Variants in XKRX observed in about 807,000 individuals in gnomAD.
XKRX encodes the protein XK related X-linked.
Under a neutral mutation model 22.4 loss-of-function variants are expected in XKRX, and 11 were observed. The observed-to-expected ratio is 0.49, with a 90% confidence interval of 0.31 to 0.81. The LOEUF is 0.81. Among genes scored for constraint, XKRX ranks in the 40% least tolerant of loss-of-function variants. The pLI is 0.05. For missense variants in XKRX, 320 were observed against 336.5 expected (o/e 0.95, Z 0.38); for synonymous variants, 114 against 132.2 (o/e 0.86, Z 0.94).
At chrX:100,949,446 A>G in the XKRX span, among the ~76,000 whole-genome samples, 5 of 107,436 alleles carry the variant, frequency 4.7e-5, no homozygotes, top group Admixed American at 5.0e-4. Flanking sequence ...GCTCACTGCA[A>G]CCTCTGCCTT....
chrX:100,949,012 CA>C, the XKRX span, among the ~76,000 whole-genome samples: 1 of 112,863 alleles, frequency 8.9e-6, no homozygotes, highest in Non-Finnish European at 1.9e-5. Context: ...TCCTTCCCCA[CA>C]GTGCCAACAA....
the XKRX span, among the ~76,000 whole-genome samples, chrX:100,897,749 T>C: frequency 1.9e-5 from 2 of 106,453 alleles, no homozygotes; most frequent in Non-Finnish European, 3.9e-5. Context: ...TCAATACCAT[T>C]TCCCACTGAA....
chrX:100,947,904 ATTTTT>A, the XKRX span, among the ~76,000 whole-genome samples: 1 of 102,468 alleles, frequency 9.8e-6, no homozygotes, highest in Non-Finnish European at 2.0e-5. Flanking sequence ...TAATACATGA[ATTTTT>A]TTTTTTTTTT....
At chrX:100,935,011 G>GT in the XKRX span, among the ~76,000 whole-genome samples, 1 of 111,318 alleles carries the variant, frequency 9.0e-6, no homozygotes, top group African/African-American at 3.2e-5. Flanking sequence ...GAGAGAGAGA[G>GT]TATGTAAGGG....
In XKRX at chrX:100,922,985, G is replaced by A. The variant is rs775988879; in HGVS notation, c.412C>T (p.Arg138Ter). 9 of 1,211,414 alleles carry A rather than the reference G, an allele frequency of 7.4e-6. No homozygotes were observed. Among genetic ancestry groups the A allele is most frequent in the South Asian group, 1.8e-5 (1 of 56,964 alleles). Residue 138 changes from arginine (R) to a stop codon, truncating the protein, a stop_gained, in exon 2 of 3, where the codon CGA becomes TGA. Transcript: ENST00000372956. LOFTEE classifies it high-confidence loss of function. Reference protein sequence around the residue: ...EQEEPYVSLTRKKMLIDGEEV... With the variant: ...EQEEPYVSLT ...TCGCCATCTATTAGCATCTTCTTTC[G>A]GGTGAGGCTGACATAGGGCTCCTCC...
chrX:100,908,614 T>A (rs777463469), downstream of XKRX, among the ~76,000 whole-genome samples: 1 of 111,886 alleles, frequency 8.9e-6, no homozygotes, highest in East Asian at 2.8e-4. Context: ...ATTATGGACA[T>A]ATGTGTCCTC....
In XKRX at chrX:100,914,674, A is replaced by T. The variant is rs771103174; in HGVS notation, c.1014T>A (p.Asp338Glu). The T allele has an allele frequency of 4.1e-6, 5 of 1,211,856 alleles. No homozygotes were observed. In the South Asian group the frequency reaches 8.8e-5, roughly 21 times the overall value. ...CCCAGTTCTGCCCTTTGTCGACGAG[A>T]TCTCTGTCTGCCAACCTCAACTGCA... ...SALQLRLADR[D>E]LVDKGQNWGH... Residue 338 changes from aspartate (D) to glutamate (E), a missense_variant, in exon 3 of 3, where the codon GAT (aspartate) becomes GAA (glutamate). By Grantham distance (45) the Asp-to-Glu change is conservative. Transcript: ENST00000372956.
At chrX:100,957,226 G>A in the XKRX span, 4 of 995,788 alleles carry the variant, frequency 4.0e-6, no homozygotes, top group African/African-American at 1.9e-5. Context: ...TGTCAGTATC[G>A]ATCTGATTTC....
At chrX:100,892,976 A>G in the XKRX span, among the ~76,000 whole-genome samples, 1 of 112,364 alleles carries the variant, frequency 8.9e-6, no homozygotes, top group South Asian at 3.7e-4. Context: ...ATGTATGCAC[A>G]ACAGAATACT....
chrX:100,921,897 G>A (rs916415287), intron 2 of XKRX, among the ~76,000 whole-genome samples: 1 of 93,217 alleles, frequency 1.1e-5, no homozygotes, highest in East Asian at 3.5e-4. Context: ...GCAGTGACGC[G>A]ATCTCGGCTC....
rs774441490 is a variant in XKRX, at chrX:100,914,397, T to A, written c.1291A>T (p.Thr431Ser). The A allele has an allele frequency of 1.9e-5, 23 of 1,209,957 alleles. No individual in the cohort carries two copies. The highest frequency in any genetic ancestry group is 4.4e-5 in the Admixed American group (2 of 45,762). Residue 431 changes from threonine to serine, a missense_variant, in exon 3 of 3, where the codon ACC becomes TCC. By Grantham distance (58) the Thr-to-Ser change is moderately conservative. Transcript: ENST00000372956. ...HCVCCHQHPRTRVENSEPPFE... is the reference protein window; with the variant it reads ...HCVCCHQHPRSRVENSEPPFE... ...GGTGGCTCTGAGTTCTCAACCCTGGTCCGAGGGTGCTGGTGACAGCAGACA... is the reference window on the plus strand; with the variant it reads ...GGTGGCTCTGAGTTCTCAACCCTGGACCGAGGGTGCTGGTGACAGCAGACA...
the XKRX span, among the ~76,000 whole-genome samples, chrX:100,941,655 C>T: frequency 8.9e-6 from 1 of 112,307 alleles, no homozygotes; most frequent in African/African-American, 3.2e-5. Flanking sequence ...TAGAAGATGT[C>T]CACATGACAG....
intron 2 of XKRX, among the ~76,000 whole-genome samples, chrX:100,921,582 ACCAGTGCCTGC>A (rs2085472288): frequency 9.0e-6 from 1 of 111,288 alleles, no homozygotes. Flanking sequence ...CCACACCTAT[ACCAGTGCCTGC>A]CCAAGCAGAT....
the XKRX span, among the ~76,000 whole-genome samples, chrX:100,900,427 G>A: frequency 1.8e-5 from 2 of 110,510 alleles, no homozygotes; most frequent in Admixed American, 1.9e-4. Flanking sequence ...AATCTCAGTT[G>A]TCTTTGACAA....
chrX:100,908,926 G>A (rs1404109924), downstream of XKRX, among the ~76,000 whole-genome samples: 2 of 110,482 alleles, frequency 1.8e-5, no homozygotes, highest in African/African-American at 6.6e-5. Flanking sequence ...CTCTAGGGAG[G>A]GGCACTATTC....
upstream of XKRX, among the ~76,000 whole-genome samples, chrX:100,932,629 T>C (rs1350818530): frequency 8.9e-6 from 1 of 112,174 alleles, no homozygotes; most frequent in Admixed American, 9.5e-5. Context: ...GGGGTTGAGC[T>C]TTCCAAGCCT....
At chrX:100,956,673 T>C in the XKRX span, 2 of 552,346 alleles carry the variant, frequency 3.6e-6, no homozygotes, top group Non-Finnish European at 6.7e-6. Context: ...TCCGCCCTTT[T>C]GGACCTCTCA....
intron 2 of XKRX, among the ~76,000 whole-genome samples, chrX:100,917,661 GAAA>G (rs2085446957): frequency 2.2e-5 from 1 of 45,743 alleles, no homozygotes; most frequent in South Asian, 1.3e-3. Context: ...AAGAAAGAAA[GAAA>G]GAAAGAAAGA....
At chrX:100,946,869 G>C in the XKRX span, among the ~76,000 whole-genome samples, 1 of 111,821 alleles carries the variant, frequency 8.9e-6, no homozygotes, top group Non-Finnish European at 1.9e-5. Flanking sequence ...CGGCAGCACA[G>C]AGCAGGGTAT....
Sources: gnomAD v4.1 joint callset for allele counts (sites outside exome capture counted in the v4.1 genomes callset) on GRCh38, gnomAD v4.1.1 for gene constraint, MANE v1.5 for transcripts, NCBI Gene and HGNC (gene_info 2026-07-23, HGNC 2026-07-21) for gene names.